DLG2: variants seen among roughly 807,000 people sequenced by gnomAD.
DLG2 encodes the protein disks large homolog 2.
DLG2 carries 45 observed loss-of-function variants against 132.5 expected under a neutral mutation model. That is an observed-to-expected ratio of 0.34 (90% CI 0.27 to 0.44). The LOEUF (loss-of-function observed/expected upper bound fraction) is 0.44, where lower values mean the gene tolerates loss of function less well. Ranked by LOEUF, DLG2 falls within the 20% of genes least tolerant of loss-of-function variation. DLG2 has a pLI of 1.00. For missense variants in DLG2, 1,045 were observed against 1,196.9 expected (o/e 0.87, Z 1.87); for synonymous variants, 424 against 419.6 (o/e 1.01, Z -0.13).
At chr11:84,875,965 T>C (rs1425906285) in intron 6 of DLG2, among the ~76,000 whole-genome samples, 3 of 152,180 alleles carry the variant, frequency 2.0e-5, no homozygotes, top group Non-Finnish European at 2.9e-5. Context: ...CTCGAATGCC[T>C]GACCTCAAGT....
chr11:83,767,739 C>T (rs1194057975), intron 18 of DLG2, among the ~76,000 whole-genome samples: 2 of 149,444 alleles, frequency 1.3e-5, no homozygotes, highest in African/African-American at 5.0e-5. Flanking sequence ...ACAGTAGGCA[C>T]TTTGCAAGAT....
intron 3 of DLG2, among the ~76,000 whole-genome samples, chr11:85,473,494 TGAA>T (rs1212124179): frequency 6.6e-6 from 1 of 152,074 alleles, no homozygotes; most frequent in African/African-American, 2.4e-5. Context: ...AAAAATTTAA[TGAA>T]GAAAAACATT....
intron 6 of DLG2, among the ~76,000 whole-genome samples, chr11:84,952,114 A>T (rs186621402): frequency 5.3e-4 from 80 of 152,326 alleles, no homozygotes; most frequent in Middle Eastern, 3.4e-3. Context: ...CAGGGTACAA[A>T]TCCAATTATG....
At chr11:84,579,563 C>T (rs558521054) in intron 6 of DLG2, among the ~76,000 whole-genome samples, 11 of 152,152 alleles carry the variant, frequency 7.2e-5, no homozygotes, top group African/African-American at 2.2e-4. Context: ...AAGAATGACC[C>T]GTGTGAGGAT....
intron 7 of DLG2, among the ~76,000 whole-genome samples, chr11:84,476,155 G>T (rs1314619277): frequency 6.6e-6 from 1 of 152,090 alleles, no homozygotes; most frequent in Non-Finnish European, 1.5e-5. Context: ...GTTCAGAGAA[G>T]TTAGGAAACT....
At chr11:84,476,159 G>A (rs1041137527) in intron 7 of DLG2, among the ~76,000 whole-genome samples, 3 of 152,026 alleles carry the variant, frequency 2.0e-5, no homozygotes, top group Non-Finnish European at 4.4e-5. Flanking sequence ...AGAGAAGTTA[G>A]GAAACTTGTT....
At chr11:84,124,282 C>T (rs2094060482) in intron 9 of DLG2, among the ~76,000 whole-genome samples, 1 of 152,160 alleles carries the variant, frequency 6.6e-6, no homozygotes, top group Non-Finnish European at 1.5e-5. Flanking sequence ...AATGTGATCT[C>T]CGTGTCCTCT....
intron 6 of DLG2, among the ~76,000 whole-genome samples, chr11:84,745,148 C>T (rs1383798522): frequency 1.3e-5 from 2 of 152,168 alleles, no homozygotes; most frequent in African/African-American, 4.8e-5. Context: ...TGTTTTCTTA[C>T]TTTACCTATA....
intron 6 of DLG2, among the ~76,000 whole-genome samples, chr11:84,885,972 C>G (rs554044814): frequency 6.6e-6 from 1 of 152,128 alleles, no homozygotes; most frequent in Admixed American, 6.6e-5. Flanking sequence ...CCACTATTCA[C>G]TAGGTATTGC....
At chr11:84,519,308 A>G (rs1158053695) in intron 7 of DLG2, among the ~76,000 whole-genome samples, 1 of 152,178 alleles carries the variant, frequency 6.6e-6, no homozygotes, top group East Asian at 1.9e-4. Flanking sequence ...TGGAAAGTGT[A>G]TCATCATTTT....
At chr11:85,203,342 T>A (rs1024356554) in intron 4 of DLG2, among the ~76,000 whole-genome samples, 1 of 151,646 alleles carries the variant, frequency 6.6e-6, no homozygotes, top group Non-Finnish European at 1.5e-5. Context: ...AAGAGCCATA[T>A]AAACAAAATT....
At chr11:85,493,553 C>G (rs567819383) in intron 3 of DLG2, among the ~76,000 whole-genome samples, 8 of 152,182 alleles carry the variant, frequency 5.3e-5, no homozygotes, top group South Asian at 4.2e-4. Context: ...GTAATAACAA[C>G]TACTTGGGAG....
intron 7 of DLG2, among the ~76,000 whole-genome samples, chr11:84,329,628 A>C (rs2098449477): frequency 1.3e-5 from 2 of 152,194 alleles, no homozygotes; most frequent in African/African-American, 4.8e-5. Flanking sequence ...ACCCAGTCTT[A>C]GGCAGTCCTT....
At chr11:84,120,016 T>C (rs1227300999) in intron 9 of DLG2, among the ~76,000 whole-genome samples, 5 of 152,188 alleles carry the variant, frequency 3.3e-5, no homozygotes, top group African/African-American at 1.2e-4. Context: ...AGGAGGGGAC[T>C]AGGAAGAGAA....
At position 85,121,070 on chromosome 11, in the gene DLG2, C is replaced by G. The variant is rs538962975; in HGVS notation, c.283-9335G>C. ...ATTACTATTATAGTTTTTTAAGTTC[C>G]TTTTGTAGGTTACTTGGGATAAAGC... On this transcript the variant is annotated intron_variant, in intron 5 of 27. Coordinates refer to ENST00000376104, the MANE Select transcript of DLG2 (RefSeq NM_001142699.3). 9.9e-5 allele frequency among the ~76,000 whole-genome samples: 15 copies of G among 151,906 alleles called. No individual in the cohort carries two copies. The South Asian group carries it at 2.9e-3, about 29-fold the overall frequency.
intron 18 of DLG2, among the ~76,000 whole-genome samples, chr11:83,698,866 G>A (rs184829324): frequency 4.9e-4 from 74 of 152,254 alleles, no homozygotes; most frequent in African/African-American, 1.7e-3. Flanking sequence ...TTCAGAACCC[G>A]CCAGGTGGGA....
chr11:84,959,327 T>C lies in DLG2; in HGVS notation c.357+152334A>G, dbSNP rs558695805. ...ATTCAAGGCAATGAATGTATAATAA[T>C]TACTTAATGCTCAACTCTATGATGA... On this transcript the variant is annotated intron_variant, in intron 6 of 27. Transcript: ENST00000376104. Among the ~76,000 whole-genome samples the C allele has an allele frequency of 5.3e-5, 8 of 152,294 alleles. No homozygotes were observed. The South Asian group carries it at 1.7e-3, about 32-fold the overall frequency.
chr11:85,526,354 C>T lies in DLG2; in HGVS notation c.40+72303G>A, dbSNP rs138763681. 3.9e-5 allele frequency among the ~76,000 whole-genome samples: 6 copies of T among 152,188 alleles called. No individual in the cohort carries two copies. The East Asian group carries it at 1.2e-3, about 29-fold the overall frequency. On this transcript the variant is annotated intron_variant, in intron 3 of 27. Transcript: ENST00000376104. Reference sequence around the variant, plus strand: ...AAGATAAGAATTACATCAGACTTCTCATCAGAAAAATGCAAGCCAGAAGAC... The same window carrying T: ...AAGATAAGAATTACATCAGACTTCTTATCAGAAAAATGCAAGCCAGAAGAC...
intron 17 of DLG2, among the ~76,000 whole-genome samples, chr11:83,829,313 C>A (rs529292406): frequency 6.6e-6 from 1 of 151,374 alleles, no homozygotes; most frequent in African/African-American, 2.4e-5. Context: ...TCTCCTGACT[C>A]AGCCTCCCAA....
Sources: allele counts gnomAD v4.1 joint callset (sites outside exome capture counted in the v4.1 genomes callset), GRCh38; gene constraint gnomAD v4.1.1; transcripts MANE v1.5; gene names NCBI Gene and HGNC (gene_info 2026-07-23, HGNC 2026-07-21).